Variants in ACOXL observed in about 807,000 individuals in gnomAD.
The protein encoded by ACOXL is acyl-CoA oxidase like.
A neutral mutation model predicts 71.9 loss-of-function variants in ACOXL; 70 were observed. That is an observed-to-expected ratio of 0.97 (90% CI 0.80 to 1.19). The LOEUF (loss-of-function observed/expected upper bound fraction) is 1.19. ACOXL is among the 50% of genes most tolerant of loss of function. The pLI, the probability that ACOXL is intolerant of heterozygous loss-of-function variation, is 0.00. For missense variants in ACOXL, 703 were observed against 736.3 expected (o/e 0.95, Z 0.52); for synonymous variants, 253 against 281.6 (o/e 0.90, Z 1.02).
chr2:111,068,226 A>G (rs1281790721), intron 16 of ACOXL, among the ~76,000 whole-genome samples: 2 of 152,204 alleles, frequency 1.3e-5, no homozygotes, highest in Non-Finnish European at 2.9e-5. Context: ...GCTGAGGAAC[A>G]GCATGTGCAG....
At chr2:110,900,170 CCT>C (rs1226566663) in intron 10 of ACOXL, among the ~76,000 whole-genome samples, 1 of 151,206 alleles carries the variant, frequency 6.6e-6, no homozygotes, top group Non-Finnish European at 1.5e-5. Flanking sequence ...TGTTTTCTTC[CCT>C]CTCAGCAATC....
intron 1 of ACOXL, among the ~76,000 whole-genome samples, chr2:110,767,681 C>G (rs1057011687): frequency 1.4e-4 from 21 of 152,188 alleles, no homozygotes; most frequent in African/African-American, 3.9e-4. Context: ...CACAGTCCAC[C>G]TCTTGCAACA....
At chr2:111,112,978 G>A (rs539356786) in intron 17 of ACOXL, 1 of 152,312 alleles carries the variant, frequency 6.6e-6, no homozygotes, top group East Asian at 1.9e-4. Flanking sequence ...TTACTGCCCT[G>A]GTCCTCTCAG....
At chr2:110,981,652 G>A (rs1312484419) in intron 12 of ACOXL, among the ~76,000 whole-genome samples, 3 of 152,170 alleles carry the variant, frequency 2.0e-5, no homozygotes, top group East Asian at 1.9e-4. Flanking sequence ...AAGCTCATTC[G>A]TTCTTTAAGG....
At chr2:111,065,540 A>G (rs2067025070) in intron 16 of ACOXL, among the ~76,000 whole-genome samples, 1 of 152,224 alleles carries the variant, frequency 6.6e-6, no homozygotes, top group Admixed American at 6.5e-5. Flanking sequence ...AATTAAAAGC[A>G]TTTGTTCTGT....
rs1271203338 is a variant in ACOXL at position 111,117,596 on chromosome 2, C to T, written c.1543-20C>T. Reference sequence around the variant, plus strand: ...AAGTGTGCCAACATCTGACCTGTCCCATTGTGTTGTGTTTTGCAGTTGCTG... The same window carrying T: ...AAGTGTGCCAACATCTGACCTGTCCTATTGTGTTGTGTTTTGCAGTTGCTG... On this transcript the variant is annotated intron_variant, in intron 17 of 17. Coordinates refer to ENST00000439055, the MANE Select transcript of ACOXL (RefSeq NM_001142807.4). 5.8e-6 allele frequency: 9 copies of T among 1,551,554 alleles called. No individual in the cohort carries two copies. Among genetic ancestry groups the T allele is most frequent in the East Asian group, 4.9e-5 (2 of 40,918 alleles).
At chr2:111,002,280 A>G (rs1022403276) in intron 14 of ACOXL, among the ~76,000 whole-genome samples, 12 of 152,194 alleles carry the variant, frequency 7.9e-5, no homozygotes, top group African/African-American at 2.9e-4. Context: ...TTAAGATGCT[A>G]AATTTTGGGA....
At chr2:110,890,185 C>A (rs577315157) in intron 10 of ACOXL, among the ~76,000 whole-genome samples, 1 of 152,078 alleles carries the variant, frequency 6.6e-6, no homozygotes, top group Middle Eastern at 3.2e-3. Flanking sequence ...TGGATGAGTT[C>A]TTTATATATT....
intron 9 of ACOXL, among the ~76,000 whole-genome samples, chr2:110,831,197 C>A (rs947203340): frequency 2.6e-5 from 4 of 152,060 alleles, no homozygotes; most frequent in African/African-American, 9.7e-5. Context: ...ATAAAACTGA[C>A]CCTATTTGCA....
chr2:110,972,566 A>C (rs753858243), intron 12 of ACOXL, among the ~76,000 whole-genome samples: 29 of 152,170 alleles, frequency 1.9e-4, no homozygotes, highest in African/African-American at 6.8e-4. Flanking sequence ...GATTTATTAC[A>C]GCAAAATCAT....
intron 9 of ACOXL, among the ~76,000 whole-genome samples, chr2:110,817,398 A>T (rs1021322230): frequency 3.3e-5 from 5 of 151,778 alleles, no homozygotes; most frequent in Admixed American, 2.0e-4. Flanking sequence ...TGACTTGAGG[A>T]TTACGGAATG....
At chr2:110,897,760 A>G (rs1396310783) in intron 10 of ACOXL, among the ~76,000 whole-genome samples, 1 of 151,560 alleles carries the variant, frequency 6.6e-6, no homozygotes. Context: ...GCAGAAATCA[A>G]TGAAATGGAA....
At chr2:110,886,808 T>A (rs998940272) in intron 10 of ACOXL, 2 of 1,551,080 alleles carry the variant, frequency 1.3e-6, no homozygotes, top group Non-Finnish European at 1.7e-6. Context: ...AGAACTGCTG[T>A]TCAGCTCCAG....
chr2:110,908,493 T>C (rs1358020188), intron 10 of ACOXL, among the ~76,000 whole-genome samples: 1 of 152,246 alleles, frequency 6.6e-6, no homozygotes, highest in Admixed American at 6.5e-5. Flanking sequence ...CACTTGGAAC[T>C]ATAAAATGTC....
chr2:110,771,635 A>T (rs1373844450), intron 2 of ACOXL, among the ~76,000 whole-genome samples: 1 of 152,248 alleles, frequency 6.6e-6, no homozygotes, highest in Admixed American at 6.5e-5. Context: ...ATAATTTTAA[A>T]GCGAAAAAAC....
intron 13 of ACOXL, 73 bp downstream of exon 13, chr2:110,987,290 C>A: frequency 7.4e-7 from 1 of 1,354,648 alleles, no homozygotes; most frequent in Non-Finnish European, 1.0e-6. Context: ...ACAGCCTTGG[C>A]ATAACTCACT....
intron 16 of ACOXL, among the ~76,000 whole-genome samples, chr2:111,062,506 G>C (rs1307235251): frequency 1.3e-5 from 2 of 152,060 alleles, no homozygotes; most frequent in African/African-American, 4.8e-5. Flanking sequence ...AACAACAGCA[G>C]AATGCATTAT....
At chr2:110,785,592 T>C (rs1350355784) in intron 3 of ACOXL, among the ~76,000 whole-genome samples, 1 of 152,144 alleles carries the variant, frequency 6.6e-6, no homozygotes, top group East Asian at 1.9e-4. Flanking sequence ...ATTTGGGGAA[T>C]GACATAGCAA....
intron 1 of ACOXL, among the ~76,000 whole-genome samples, chr2:110,767,814 G>A (rs550737177): frequency 2.0e-5 from 3 of 152,226 alleles, no homozygotes; most frequent in East Asian, 1.9e-4. Context: ...GGCCGGGCGC[G>A]GTGGCTCACG....
Sources: gnomAD v4.1 joint callset for allele counts (sites outside exome capture counted in the v4.1 genomes callset) on GRCh38, gnomAD v4.1.1 for gene constraint, MANE v1.5 for transcripts, NCBI Gene and HGNC (gene_info 2026-07-23, HGNC 2026-07-21) for gene names.